Variants in ASPG observed in about 807,000 individuals in gnomAD.
The protein encoded by ASPG is 60 kDa lysophospholipase.
In ASPG, 53 loss-of-function variants were observed where a neutral mutation model predicts 63.2. The ratio of observed to expected loss-of-function variants is 0.84; its 90% confidence interval spans 0.67 to 1.05. The LOEUF is 1.05. Among genes scored for constraint, ASPG ranks in the 50% least tolerant of loss-of-function variants. ASPG has a pLI of 0.00. For synonymous variants in ASPG, 370 were observed against 355.0 expected (o/e 1.04, Z -0.48); for missense variants, 741 against 794.4 (o/e 0.93, Z 0.81).
rs1393107491 is a variant in ASPG at position 104,110,246 on chromosome 14, C to CG, written c.1520+936dup. On this transcript the variant is annotated intron_variant, in intron 13 of 15. Transcript: ENST00000551177. This position sits in a 1 kb window ranked among gnomAD's most constrained non-coding sequence, Gnocchi z 4.7. The stretch of plus-strand genomic sequence containing the variant: ...CCCAGGCTTGGGGAGTGGGTGATGG[C>CG]GGGGGCTCGGCTCACTGGCTGGGAG... The CG allele has an allele frequency of 1.2e-6, 1 of 850,916 alleles. No homozygotes were observed. Among genetic ancestry groups the CG allele is most frequent in the African/African-American group, 1.9e-5 (1 of 53,032 alleles). The allele number at this position is 850,916 out of a possible 1,614,324, so 52.7% of individuals were successfully genotyped here.
In ASPG at chr14:104,105,180, C is replaced by T. The variant is rs1000859871; in HGVS notation, c.1051-148C>T. The T allele has an allele frequency of 2.5e-5, 32 of 1,282,708 alleles. No homozygotes were observed. In the East Asian group the frequency reaches 2.5e-4, roughly 10 times the overall value. 79.5% of individuals were successfully genotyped at this position (1,282,708 alleles called of 1,614,324 possible). ...GCTGGCCTTGGGAGGGGACCCAGCC[C>T]GCTCTGGCCCGAGGGATGAAGCACA... On this transcript the variant is annotated intron_variant, in intron 9 of 15. Transcript: ENST00000551177.
At chr14:104,112,035 C>A (rs746250215) in intron 15 of ASPG, 35 bp downstream of exon 15, 38 of 1,533,690 alleles carry the variant, frequency 2.5e-5, no homozygotes, top group Middle Eastern at 3.4e-4. Flanking sequence ...TGACACCCCC[C>A]AGTGAGCTTC....
chr14:104,103,087 C>T (rs906353438), intron 6 of ASPG, among the ~76,000 whole-genome samples: 10 of 152,242 alleles, frequency 6.6e-5, no homozygotes, highest in African/African-American at 1.7e-4. Context: ...CTGGCTGGTT[C>T]GACGATGCTG....
At chr14:104,097,145 G>A (rs1014780739) in intron 4 of ASPG, among the ~76,000 whole-genome samples, 5 of 152,044 alleles carry the variant, frequency 3.3e-5, no homozygotes, top group South Asian at 2.1e-4. Context: ...CCTGTGATGC[G>A]TTCTCCAGTA....
intron 12 of ASPG, among the ~76,000 whole-genome samples, chr14:104,107,956 C>A (rs1421813850): frequency 6.6e-6 from 1 of 152,210 alleles, no homozygotes; most frequent in Non-Finnish European, 1.5e-5. Context: ...GATCCCAGGG[C>A]CCCTGGGGAT....
At chr14:104,112,086 G>T (rs1019312116) in intron 15 of ASPG, 86 bp downstream of exon 15, 3 of 1,312,204 alleles carry the variant, frequency 2.3e-6, no homozygotes, top group Non-Finnish European at 3.2e-6. Context: ...GCGTAATCAA[G>T]GGGAACAGAA....
rs1445286880 is a variant in ASPG at position 104,109,459 on chromosome 14, C to A, written c.1520+144C>A. 1 of 882,300 alleles carries A rather than the reference C, an allele frequency of 1.1e-6. No homozygotes were observed. The highest frequency in any genetic ancestry group is 1.7e-6 in the Non-Finnish European group (1 of 588,344). The allele number at this position is 882,300 out of a possible 1,614,324, so 54.7% of individuals were successfully genotyped here. A position where few individuals can be genotyped will look rare whatever the true frequency, so the allele number is the denominator to read the frequency against. On this transcript the variant is annotated intron_variant, in intron 13 of 15. Transcript: ENST00000551177. The surrounding 1 kb of genome is among the most constrained non-coding windows in gnomAD (Gnocchi z 4.8). Reference sequence around the variant, plus strand: ...GCCCGCTGACCTCAGTGTGCACCAACCTGGCTGATGGGAAGAGGTGTCTAC... The same window carrying A: ...GCCCGCTGACCTCAGTGTGCACCAAACTGGCTGATGGGAAGAGGTGTCTAC...
At position 104,091,505 on chromosome 14, in the gene ASPG, G is replaced by A. The variant is rs1301077467; in HGVS notation, c.83-1128G>A. ...TGGCAAACGTCCCCGGGGCTCCACA[G>A]GCCTTTGTGTAAGGCCAGAGGAGGA... On this transcript the variant is annotated intron_variant, in intron 1 of 15. Transcript: ENST00000551177. This position sits in a 1 kb window ranked among gnomAD's most constrained non-coding sequence, Gnocchi z 6.4. Among the ~76,000 whole-genome samples the A allele has an allele frequency of 6.6e-6, 1 of 152,130 alleles. No individual in the cohort carries two copies. Among genetic ancestry groups the A allele is most frequent in the African/African-American group, 2.4e-5 (1 of 41,416 alleles).
chr14:104,096,432 A>C (rs1231786892), intron 4 of ASPG, among the ~76,000 whole-genome samples: 1 of 152,034 alleles, frequency 6.6e-6, no homozygotes, highest in Non-Finnish European at 1.5e-5. Flanking sequence ...TGGCTCAGCC[A>C]CCCCACTCTG....
At chr14:104,098,383 C>CT (rs1328928439) in intron 5 of ASPG, among the ~76,000 whole-genome samples, 1 of 152,184 alleles carries the variant, frequency 6.6e-6, no homozygotes, top group East Asian at 1.9e-4. Flanking sequence ...GGGGCAGTGG[C>CT]TTTACCCAAG....
rs577988050 is a variant in ASPG, at chr14:104,093,234, C to A, written c.192-257C>A. On this transcript the variant is annotated intron_variant, in intron 2 of 15. Transcript: ENST00000551177. The stretch of plus-strand genomic sequence containing the variant: ...CCTGGGGATGGCTGGTCCCAGCCCC[C>A]CTCTTCGAGCTGGTGTGGGAAGAAG... 84 of 570,992 alleles carry A rather than the reference C, an allele frequency of 1.5e-4. No individual in the cohort carries two copies. In the East Asian group the frequency reaches 2.1e-3, roughly 14 times the overall value. The allele number at this position is 570,992 out of a possible 1,614,324, so 35.4% of individuals were successfully genotyped here.
At position 104,114,474 on chromosome 14, in the gene ASPG, CTG is replaced by C. The variant is rs1368090891; in HGVS notation, c.*1931_*1932del. ...GGCCCTACCACAGGGAGCCCCGGGA[CTG>C]GGCCAGTGTCTCAGGAGGCTGTGAA... On this transcript the variant is annotated 3_prime_UTR_variant, in exon 16 of 16. Coordinates refer to ENST00000551177, the MANE Select transcript of ASPG (RefSeq NM_001080464.3). The C allele has an allele frequency of 2.6e-5, 4 of 152,250 alleles. No individual in the cohort carries two copies. The highest frequency in any genetic ancestry group is 5.9e-5 in the Non-Finnish European group (4 of 68,134). The allele number at this position is 152,250 out of a possible 1,614,324, so 9.4% of individuals were successfully genotyped here.
At position 104,110,357 on chromosome 14, in the gene ASPG, G is replaced by A. The variant is rs994760126; in HGVS notation, c.1520+1042G>A. 1.0e-5 allele frequency: 10 copies of A among 985,230 alleles called. No individual in the cohort carries two copies. In the East Asian group the frequency reaches 5.7e-4, roughly 56 times the overall value. The allele number at this position is 985,230 out of a possible 1,614,324, so 61.0% of individuals were successfully genotyped here. On this transcript the variant is annotated intron_variant, in intron 13 of 15. Transcript: ENST00000551177. The surrounding 1 kb of genome is among the most constrained non-coding windows in gnomAD (Gnocchi z 4.7). The stretch of plus-strand genomic sequence containing the variant: ...GGACCGGCCCACAACCCCTGGTCTT[G>A]CTTTTGAAGGGACTTCCGGGGTGAC...
rs1311826262 is a variant in ASPG at position 104,109,589 on chromosome 14, T to C, written c.1520+274T>C. Among the ~76,000 whole-genome samples the C allele has an allele frequency of 1.4e-5, 2 of 145,310 alleles. No individual in the cohort carries two copies. The highest frequency in any genetic ancestry group is 5.2e-5 in the African/African-American group (2 of 38,152). ...ATGTGTGCATGTGTGTATGCATGTG[T>C]GTGGGTGCATGTGTGTGTGTGTGGT... On this transcript the variant is annotated intron_variant, in intron 13 of 15. Transcript: ENST00000551177. This position sits in a 1 kb window ranked among gnomAD's most constrained non-coding sequence, Gnocchi z 4.8.
At position 104,085,751 on chromosome 14, in the gene ASPG, C is replaced by G. The variant is rs1417702240; in HGVS notation, c.-20C>G. On this transcript the variant is annotated 5_prime_UTR_variant, in exon 1 of 16. Transcript: ENST00000551177. The stretch of plus-strand genomic sequence containing the variant: ...TCCCCGCTGCACACCCCCGTCCACT[C>G]CCGTGGTCCCCGGTCCGGCATGGCG... 1 of 1,567,368 alleles carries G rather than the reference C, an allele frequency of 6.4e-7. No homozygotes were observed. The highest frequency in any genetic ancestry group is 8.6e-7 in the Non-Finnish European group (1 of 1,165,878).
intron 10 of ASPG, among the ~76,000 whole-genome samples, chr14:104,105,786 C>T (rs938914990): frequency 1.3e-5 from 2 of 152,142 alleles, no homozygotes; most frequent in African/African-American, 4.8e-5. Flanking sequence ...CTGGGCTCTC[C>T]CAGGCTCTGA....
In ASPG at chr14:104,093,546, T is replaced by A. The variant is rs745887867; in HGVS notation, c.247T>A (p.Phe83Ile). The A allele has an allele frequency of 6.2e-7, 1 of 1,612,808 alleles. No homozygotes were observed. The highest frequency in any genetic ancestry group is 1.7e-5 in the Admixed American group (1 of 60,016). ...LYTVLECQPL[F>I]DSSDMTIAEW... is the part of the protein sequence containing the mutation. ...CACCGTGCTGGAGTGCCAGCCCCTCTTCGACTCCAGTGACATGACCATCGC... is the reference window on the plus strand; with the variant it reads ...CACCGTGCTGGAGTGCCAGCCCCTCATCGACTCCAGTGACATGACCATCGC... Residue 83 changes from phenylalanine (F) to isoleucine (I), a missense_variant, in exon 3 of 16, where the codon TTC becomes ATC. Physicochemically the swap from Phe to Ile is conservative, Grantham distance 21. Transcript: ENST00000551177.
rs2037152779 is a variant in ASPG, at chr14:104,106,874, CTG to C, written c.1250_1251del (p.Leu417ProfsTer9). On this transcript the variant is annotated frameshift_variant, in exon 11 of 16. Coordinates refer to ENST00000551177, the MANE Select transcript of ASPG (RefSeq NM_001080464.3). LOFTEE classifies it high-confidence loss of function. ...TGCCCACGCCGGTGACGTGGAGGCG[CTG>C]CAGGCGCTTGTGGAGCTGGTGAGCC... ...AAAHAGDVEA[L>X]QALVELGSDL... 1 of 1,586,744 alleles carries C rather than the reference CTG, an allele frequency of 6.3e-7. No individual in the cohort carries two copies. The highest frequency in any genetic ancestry group is 8.6e-7 in the Non-Finnish European group (1 of 1,169,242).
intron 1 of ASPG, among the ~76,000 whole-genome samples, chr14:104,088,687 G>C (rs2036286212): frequency 6.6e-6 from 1 of 152,212 alleles, no homozygotes; most frequent in Non-Finnish European, 1.5e-5. Context: ...GGTTACTGCA[G>C]TGGCGTCTGT....
Sources: allele counts gnomAD v4.1 joint callset (sites outside exome capture counted in the v4.1 genomes callset), GRCh38; gene constraint gnomAD v4.1.1; non-coding constraint Gnocchi (gnomAD v3.1); transcripts MANE v1.5; gene names NCBI Gene and HGNC (gene_info 2026-07-23, HGNC 2026-07-21).